The following ZNF385D variants were observed in gnomAD, a reference collection of about 807,000 sequenced individuals.
ZNF385D encodes zinc finger protein 385D, also known as zinc finger protein 659.
In ZNF385D, 15 loss-of-function variants were observed where a neutral mutation model predicts 35.8. The ratio of observed to expected loss-of-function variants is 0.42; its 90% CI spans 0.28 to 0.64. The LOEUF (loss-of-function observed/expected upper bound fraction) is 0.64, where lower values mean the gene tolerates loss of function less well. Ranked by LOEUF, ZNF385D falls within the 30% of genes least tolerant of loss-of-function variation. The pLI is 0.23. For missense variants in ZNF385D, 474 were observed against 494.6 expected (o/e 0.96, Z 0.39); for synonymous variants, 212 against 186.8 (o/e 1.13, Z -1.10).
At chr3:21,476,439 A>C (rs767728712) in intron 4 of ZNF385D, among the ~76,000 whole-genome samples, 3 of 152,048 alleles carry the variant, frequency 2.0e-5, no homozygotes, top group Non-Finnish European at 4.4e-5. Flanking sequence ...TCCAACCCTC[A>C]CATACAAATT....
intron 3 of ZNF385D, among the ~76,000 whole-genome samples, chr3:21,844,984 G>C (rs56368107): frequency 4.3e-4 from 65 of 151,712 alleles, no homozygotes; most frequent in African/African-American, 1.5e-3. Flanking sequence ...TTGATGTACT[G>C]CCAAATCATG....
At chr3:22,372,439 A>G (rs1005506557) in intron 2 of ZNF385D, 38 of 985,052 alleles carry the variant, frequency 3.9e-5, no homozygotes, top group Admixed American at 6.2e-5. Flanking sequence ...CTCTTTTTGC[A>G]CTCAACTTAC....
intron 3 of ZNF385D, among the ~76,000 whole-genome samples, chr3:21,914,422 T>C (rs909087139): frequency 6.6e-6 from 1 of 151,380 alleles, no homozygotes; most frequent in Non-Finnish European, 1.5e-5. Context: ...TTTTTTCAAA[T>C]ATTGAAGAAA....
chr3:21,423,948 C>G lies in ZNF385D; in HGVS notation c.954+15G>C. ...TTTGGGAATAGAGGCTGGACTCTTG[C>G]AAAATGACACTCACCCCCAGTGGAT... On this transcript the variant is annotated intron_variant, in intron 7 of 7. Transcript: ENST00000281523. 6.2e-7 allele frequency: 1 copy of G among 1,603,718 alleles called. No individual in the cohort carries two copies.
intron 2 of ZNF385D, among the ~76,000 whole-genome samples, chr3:22,297,839 G>A (rs35616254): frequency 6.6e-6 from 1 of 151,912 alleles, no homozygotes; most frequent in African/African-American, 2.4e-5. Flanking sequence ...AATGATATTG[G>A]GTTACATTTT....
At chr3:21,519,794 A>G (rs1019069040) in intron 3 of ZNF385D, among the ~76,000 whole-genome samples, 3 of 152,204 alleles carry the variant, frequency 2.0e-5, no homozygotes, top group African/African-American at 7.2e-5. Context: ...CAGCCAGTGT[A>G]CAAAATCCCT....
At chr3:21,750,070 G>A (rs990565629) in intron 1 of ZNF385D, among the ~76,000 whole-genome samples, 1 of 152,346 alleles carries the variant, frequency 6.6e-6, no homozygotes, top group South Asian at 2.1e-4. Flanking sequence ...TAACTTCAGA[G>A]AGGAGGAACA....
At chr3:21,978,699 T>C (rs564683682) in intron 3 of ZNF385D, among the ~76,000 whole-genome samples, 7 of 152,334 alleles carry the variant, frequency 4.6e-5, no homozygotes, top group South Asian at 2.1e-4. Flanking sequence ...AGATAGCTCA[T>C]TGTAAATTTA....
chr3:21,905,397 T>C (rs1355851821), intron 3 of ZNF385D, among the ~76,000 whole-genome samples: 2 of 151,964 alleles, frequency 1.3e-5, no homozygotes, highest in East Asian at 1.9e-4. Flanking sequence ...CTAAATTTTA[T>C]CCAAGGTTGT....
chr3:21,937,913 C>A (rs1237279626), intron 3 of ZNF385D, among the ~76,000 whole-genome samples: 1 of 151,990 alleles, frequency 6.6e-6, no homozygotes, highest in Non-Finnish European at 1.5e-5. Flanking sequence ...GCAAAAAGAC[C>A]AAAAGTAGAA....
chr3:21,741,929 A>G (rs2125525983), intron 1 of ZNF385D, among the ~76,000 whole-genome samples: 1 of 152,302 alleles, frequency 6.6e-6, no homozygotes, highest in African/African-American at 2.4e-5. Context: ...GTGGCCTCTA[A>G]GGTATATTGA....
chr3:21,428,327 G>A (rs956573298), intron 5 of ZNF385D, among the ~76,000 whole-genome samples: 16 of 152,000 alleles, frequency 1.1e-4, no homozygotes, highest in African/African-American at 3.4e-4. Flanking sequence ...TCCCCATTTA[G>A]GAGATAATAA....
At chr3:21,824,549 G>A (rs1254063767) in intron 3 of ZNF385D, among the ~76,000 whole-genome samples, 1 of 151,880 alleles carries the variant, frequency 6.6e-6, no homozygotes, top group African/African-American at 2.4e-5. Flanking sequence ...TATAGCTAAT[G>A]TATCCTCATC....
intron 3 of ZNF385D, among the ~76,000 whole-genome samples, chr3:21,796,586 T>C (rs7625578): frequency 0.37 from 56,103 of 152,002 alleles, 11,061 homozygotes; most frequent in East Asian, 0.72. Context: ...CACACAGACC[T>C]TCAGACCTTA....
intron 3 of ZNF385D, chr3:22,168,687 G>T (rs777810957): frequency 1.3e-5 from 6 of 470,158 alleles, no homozygotes; most frequent in Non-Finnish European, 1.7e-5. Flanking sequence ...GTACTCTGCT[G>T]ATAAAAATTT....
intron 3 of ZNF385D, among the ~76,000 whole-genome samples, chr3:21,813,346 T>C (rs571170654): frequency 1.3e-4 from 20 of 152,300 alleles, no homozygotes; most frequent in Non-Finnish European, 2.4e-4. Context: ...GGACAAAGAA[T>C]GACTTTGACG....
At chr3:21,794,618 G>T (rs1021337774) in intron 3 of ZNF385D, among the ~76,000 whole-genome samples, 5 of 152,092 alleles carry the variant, frequency 3.3e-5, no homozygotes, top group Non-Finnish European at 5.9e-5. Flanking sequence ...AGGATGGAAG[G>T]GGCTAGCTAA....
At chr3:21,723,835 A>G (rs2068642915) in intron 1 of ZNF385D, among the ~76,000 whole-genome samples, 1 of 152,140 alleles carries the variant, frequency 6.6e-6, no homozygotes, top group African/African-American at 2.4e-5. Flanking sequence ...AGCAACCCCA[A>G]GACACATAAT....
intron 1 of ZNF385D, among the ~76,000 whole-genome samples, chr3:21,700,002 T>C (rs2067620051): frequency 6.6e-6 from 1 of 152,048 alleles, no homozygotes; most frequent in South Asian, 2.1e-4. Flanking sequence ...CAGCTAATTT[T>C]TGTATTTTTA....
Sources: gnomAD v4.1 joint callset for allele counts (sites outside exome capture counted in the v4.1 genomes callset) on GRCh38, gnomAD v4.1.1 for gene constraint, MANE v1.5 for transcripts, NCBI Gene and HGNC (gene_info 2026-07-23, HGNC 2026-07-21) for gene names.